SFMBT2: variants seen among roughly 807,000 people sequenced by gnomAD.
SFMBT2 encodes scm-like with four MBT domains protein 2.
Under a neutral mutation model 110.1 loss-of-function variants are expected in SFMBT2, and 38 were observed. That is an observed-to-expected ratio of 0.35 (90% CI 0.27 to 0.45). The LOEUF (loss-of-function observed/expected upper bound fraction) is 0.45. SFMBT2 is among the 20% of genes least tolerant of loss of function. SFMBT2 has a pLI of 1.00. For synonymous variants in SFMBT2, 425 were observed against 425.4 expected, an observed-to-expected ratio of 1.00 and a Z score of 0.01; for missense variants, 1,011 against 1,094.9, an observed-to-expected ratio of 0.92 and a Z score of 1.08.
intron 8 of SFMBT2, among the ~76,000 whole-genome samples, chr10:7,246,485 C>T (rs1204826411): frequency 2.0e-5 from 3 of 152,100 alleles, no homozygotes; most frequent in Non-Finnish European, 4.4e-5. Context: ...CTTTGGGAGG[C>T]TGAGGCGGGC....
chr10:7,228,723 CTTTCTTTCTTT>C (rs1839994451), intron 9 of SFMBT2, among the ~76,000 whole-genome samples: 1 of 115,162 alleles, frequency 8.7e-6, no homozygotes, highest in Non-Finnish European at 1.7e-5. Flanking sequence ...TTCTTTCTTT[CTTTCTTTCTTT>C]CCTTTCTCTC....
intron 4 of SFMBT2, chr10:7,329,478 T>A: frequency 2.0e-6 from 2 of 985,332 alleles, no homozygotes; most frequent in South Asian, 9.4e-5. Context: ...GTGTGGTGAG[T>A]TCTGCAAAGA....
intron 1 of SFMBT2, among the ~76,000 whole-genome samples, chr10:7,393,707 C>A (rs548609162): frequency 6.6e-4 from 101 of 152,308 alleles, no homozygotes; most frequent in Non-Finnish European, 1.3e-3. Context: ...GAATTCAAGT[C>A]ACTAAGTTCT....
intron 4 of SFMBT2, among the ~76,000 whole-genome samples, chr10:7,336,699 T>G (rs1300765744): frequency 6.6e-6 from 1 of 152,042 alleles, no homozygotes; most frequent in Non-Finnish European, 1.5e-5. Flanking sequence ...GAGATCCGGA[T>G]AGTGAATGAC....
chr10:7,377,890 G>A (rs1388376528), intron 2 of SFMBT2, among the ~76,000 whole-genome samples: 1 of 148,730 alleles, frequency 6.7e-6, no homozygotes, highest in Non-Finnish European at 1.5e-5. Flanking sequence ...CAGGGGAGGT[G>A]GCACGGGAGG....
intron 16 of SFMBT2, among the ~76,000 whole-genome samples, chr10:7,187,001 A>G (rs1838435714): frequency 6.6e-6 from 1 of 152,228 alleles, no homozygotes; most frequent in Non-Finnish European, 1.5e-5. Flanking sequence ...TTTACAATTC[A>G]GTAGAGCTGG....
At chr10:7,366,552 G>A (rs1844909310) in intron 4 of SFMBT2, among the ~76,000 whole-genome samples, 1 of 151,942 alleles carries the variant, frequency 6.6e-6, no homozygotes, top group Non-Finnish European at 1.5e-5. Flanking sequence ...GTCACTTCAA[G>A]ATGAAAACAG....
chr10:7,277,053 C>T, intron 6 of SFMBT2, 64 bp from the exon 7 acceptor site: 1 of 801,872 alleles, frequency 1.2e-6, no homozygotes, highest in South Asian at 1.3e-5. Flanking sequence ...TGACTCTTTC[C>T]TGCATGCTAA....
chr10:7,234,436 G>T (rs771717276), intron 9 of SFMBT2, among the ~76,000 whole-genome samples: 43 of 152,120 alleles, frequency 2.8e-4, no homozygotes, highest in Non-Finnish European at 5.6e-4. Context: ...CCAGGATGGG[G>T]TCTAACATCA....
intron 4 of SFMBT2, chr10:7,295,127 G>C (rs1365224712): frequency 6.6e-6 from 1 of 152,170 alleles, no homozygotes; most frequent in Non-Finnish European, 1.5e-5. Context: ...CATCCTGAAA[G>C]ATGCTAGCCT....
intron 4 of SFMBT2, among the ~76,000 whole-genome samples, chr10:7,363,918 G>A (rs542178287): frequency 1.3e-5 from 2 of 152,080 alleles, no homozygotes; most frequent in East Asian, 1.9e-4. Flanking sequence ...ACCCTGGATC[G>A]CTGTAACTCC....
At chr10:7,381,058 C>T (rs1194868133) in intron 2 of SFMBT2, among the ~76,000 whole-genome samples, 1 of 146,616 alleles carries the variant, frequency 6.8e-6, no homozygotes, top group African/African-American at 2.7e-5. Flanking sequence ...AAAACACACA[C>T]ACACACATAC....
At chr10:7,374,015 C>T (rs780132488) in intron 2 of SFMBT2, among the ~76,000 whole-genome samples, 1 of 152,140 alleles carries the variant, frequency 6.6e-6, no homozygotes, top group Admixed American at 6.6e-5. Context: ...GTAATCCCAG[C>T]ACTTTGGGAG....
intron 11 of SFMBT2, chr10:7,206,152 G>A: frequency 1.0e-6 from 1 of 985,390 alleles, no homozygotes; most frequent in East Asian, 1.1e-4. Flanking sequence ...AGGAATAAAA[G>A]GGGTTCAGAG....
chr10:7,260,253 A>G (rs573657112), intron 7 of SFMBT2, among the ~76,000 whole-genome samples: 7 of 152,284 alleles, frequency 4.6e-5, no homozygotes, highest in Admixed American at 2.0e-4. Flanking sequence ...TCACACAAAG[A>G]CCAGACAGAA....
chr10:7,332,163 T>C (rs903543097), intron 4 of SFMBT2, among the ~76,000 whole-genome samples: 1 of 152,184 alleles, frequency 6.6e-6, no homozygotes, highest in Non-Finnish European at 1.5e-5. Flanking sequence ...CCACTGGGTT[T>C]CTGTGTGTAA....
At chr10:7,355,743 C>G (rs1381863937) in intron 4 of SFMBT2, among the ~76,000 whole-genome samples, 1 of 152,124 alleles carries the variant, frequency 6.6e-6, no homozygotes, top group Admixed American at 6.5e-5. Flanking sequence ...ACCCAGGAGG[C>G]AGAGGCTGCA....
chr10:7,201,695 G>C (rs1294829004), intron 13 of SFMBT2, among the ~76,000 whole-genome samples: 1 of 152,152 alleles, frequency 6.6e-6, no homozygotes, highest in East Asian at 1.9e-4. Flanking sequence ...CCTTGGCCTG[G>C]AATGTACATT....
At position 7,197,758 on chromosome 10, in the gene SFMBT2, G is replaced by T; in HGVS notation, c.1559-71C>A. 7.1e-6 allele frequency: 11 copies of T among 1,542,326 alleles called. No homozygotes were observed. In the South Asian group the frequency reaches 1.3e-4, roughly 19 times the overall value. On this transcript the variant is annotated intron_variant, in intron 14 of 20. Coordinates refer to ENST00000397167, the MANE Select transcript of SFMBT2 (RefSeq NM_001387889.1). Reference sequence around the variant, plus strand: ...GACCCTAGGGGACCCCTAGACCCTTGCTTCATCCACATGGTCAGGGAAAAG... The same window carrying T: ...GACCCTAGGGGACCCCTAGACCCTTTCTTCATCCACATGGTCAGGGAAAAG...
Sources: gnomAD v4.1 joint callset for allele counts (sites outside exome capture counted in the v4.1 genomes callset) on GRCh38, gnomAD v4.1.1 for gene constraint, MANE v1.5 for transcripts, NCBI Gene and HGNC (gene_info 2026-07-23, HGNC 2026-07-21) for gene names.